The following WFIKKN2 variants were observed in gnomAD, a reference collection of about 807,000 sequenced individuals.
The protein encoded by WFIKKN2 is WAP, follistatin/kazal, immunoglobulin, kunitz and netrin domain containing 2.
Under a neutral mutation model 39.2 loss-of-function variants are expected in WFIKKN2, and 25 were observed. That is an observed-to-expected ratio of 0.64 (90% confidence interval 0.47 to 0.89). WFIKKN2 has a LOEUF of 0.89. WFIKKN2 is among the 40% of genes least tolerant of loss of function. The pLI, the probability that WFIKKN2 is intolerant of heterozygous loss-of-function variation, is 0.00. For missense variants in WFIKKN2, 770 were observed against 811.7 expected (o/e 0.95, Z 0.62); for synonymous variants, 345 against 329.7 (o/e 1.05, Z -0.50).
intron 1 of WFIKKN2, 132 bp from the exon 2 acceptor site, chr17:50,839,367 A>T: frequency 1.2e-6 from 1 of 827,118 alleles, no homozygotes. Flanking sequence ...ATTCGTTATT[A>T]TTTTCAAGTG....
chr17:50,840,178 G>A lies in WFIKKN2; in HGVS notation c.890G>A (p.Arg297Lys). ...GCCCGGAACGTGGCTGGGGTCCTGAGGGCTGATTTCCCGCTGTCGGTGGTC... is the reference window on the plus strand; with the variant it reads ...GCCCGGAACGTGGCTGGGGTCCTGAAGGCTGATTTCCCGCTGTCGGTGGTC... ...CTARNVAGVL[R>K]ADFPLSVVRG... is the part of the protein sequence containing the mutation. The change falls in exon 2 of 2, where the codon AGG (arginine) becomes AAG (lysine). Residue 297 changes from arginine to lysine, a missense_variant. Physicochemically the swap from Arg to Lys is conservative, Grantham distance 26. Transcript: ENST00000311378. 6.2e-7 allele frequency: 1 copy of A among 1,613,936 alleles called. No individual in the cohort carries two copies.
Position 50,839,908 on chromosome 17 carries a change from T to G in WFIKKN2, c.620T>G (p.Met207Arg). Residue 207 changes from methionine to arginine, a missense_variant, in exon 2 of 2, where the codon ATG becomes AGG. By Grantham distance (91) the Met-to-Arg change is moderately conservative. Coordinates refer to ENST00000311378, the MANE Select transcript of WFIKKN2 (RefSeq NM_175575.6). ...TASPETPELD[M>R]AAPALLNNPV... ...TCCCCAGAGACCCCTGAGCTGGACA[T>G]GGCGGCCCCTGCGCTGCTCAACAAC... 6.2e-7 allele frequency: 1 copy of G among 1,614,148 alleles called. No homozygotes were observed. Among genetic ancestry groups the G allele is most frequent in the Non-Finnish European group, 8.5e-7 (1 of 1,180,030 alleles).
chr17:50,838,118 G>GA (rs980461777), intron 1 of WFIKKN2, among the ~76,000 whole-genome samples: 1 of 152,132 alleles, frequency 6.6e-6, no homozygotes, highest in Non-Finnish European at 1.5e-5. Flanking sequence ...AGGCCAAGGA[G>GA]AAGGTTCTCC....
At position 50,840,521 on chromosome 17, in the gene WFIKKN2, C is replaced by T; in HGVS notation, c.1233C>T (p.Cys411=). Residue 411 remains cysteine, a synonymous_variant, in exon 2 of 2, where the codon TGC becomes TGT. Transcript: ENST00000311378. ...RWAYNSQTGQ[C]QSFVYGGCEG... ...CTTACAACAGCCAGACGGGCCAGTG[C>T]CAGTCCTTTGTCTATGGTGGCTGCG... 6.2e-7 allele frequency: 1 copy of T among 1,614,022 alleles called. No homozygotes were observed. Among genetic ancestry groups the T allele is most frequent in the South Asian group, 1.1e-5 (1 of 91,092 alleles).
Position 50,840,943 on chromosome 17 carries a change from G to T in WFIKKN2, c.1655G>T (p.Arg552Leu), listed in dbSNP as rs762331072. 1 of 1,591,372 alleles carries T rather than the reference G, an allele frequency of 6.3e-7. No individual in the cohort carries two copies. The highest frequency in any genetic ancestry group is 8.6e-7 in the Non-Finnish European group (1 of 1,165,418). Residue 552 changes from arginine (R) to leucine (L), a missense_variant, in exon 2 of 2, where the codon CGC becomes CTC. By Grantham distance (102) the Arg-to-Leu change is moderately radical (BLOSUM62 -2). Coordinates refer to ENST00000311378, the MANE Select transcript of WFIKKN2 (RefSeq NM_175575.6). ...AGCTTTGTGGGCGCATCGAGTGCCC[G>T]CCGGGTCAGGAAGCTTCGTGAGGTC... ...PDSFVGASSA[R>L]RVRKLREVMH...
rs1972042253 is a variant in WFIKKN2 at position 50,841,212 on chromosome 17, CT to C, written c.*199del. 3 of 512,000 alleles carry C rather than the reference CT, an allele frequency of 5.9e-6. No homozygotes were observed. The highest frequency in any genetic ancestry group is 6.6e-6 in the Non-Finnish European group (2 of 301,284). The allele number at this position is 512,000 out of a possible 1,614,324, so 31.7% of individuals were successfully genotyped here. A position where few individuals can be genotyped will look rare whatever the true frequency, so the allele number is the denominator to read the frequency against. ...TTTGGGTTCAATAAGGGGTTCATAT[CT>C]TTTTTAGCTGAGGGGGACAAGAGGA... is the stretch of plus-strand genomic sequence containing the variant. On this transcript the variant is annotated 3_prime_UTR_variant, in exon 2 of 2. Transcript: ENST00000311378.
Position 50,839,957 on chromosome 17 carries a change from G to C in WFIKKN2, c.669G>C (p.Met223Ile), listed in dbSNP as rs902818282. The change falls in exon 2 of 2, where the codon ATG becomes ATC. Residue 223 changes from methionine (M) to isoleucine (I), a missense_variant. Coordinates refer to ENST00000311378, the MANE Select transcript of WFIKKN2 (RefSeq NM_175575.6). ...ACCCTGTGCACCAGTCGGTCACCAT[G>C]GGTGAGACAGTGAGCTTCCTCTGTG... ...LNNPVHQSVTMGETVSFLCDV... is the reference protein window; with the variant it reads ...LNNPVHQSVTIGETVSFLCDV... 6.2e-7 allele frequency: 1 copy of C among 1,614,148 alleles called. No homozygotes were observed. Among genetic ancestry groups the C allele is most frequent in the Admixed American group, 1.7e-5 (1 of 60,026 alleles).
At position 50,840,825 on chromosome 17, in the gene WFIKKN2, T is replaced by G. The variant is rs1972034941; in HGVS notation, c.1537T>G (p.Trp513Gly). ...GGAGGTCACTCTGCTTCACGTGGAC[T>G]GGGCATGCCCCTGCCCCAACGTGAC... ...PLEVTLLHVDWACPCPNVTVS... is the reference protein window; with the variant it reads ...PLEVTLLHVDGACPCPNVTVS... The change falls in exon 2 of 2, where the codon TGG becomes GGG. Residue 513 changes from tryptophan to glycine, a missense_variant. Physicochemically the swap from Trp to Gly is radical, Grantham distance 184 (BLOSUM62 -2). Transcript: ENST00000311378. The G allele has an allele frequency of 1.2e-6, 2 of 1,613,758 alleles. No homozygotes were observed. The highest frequency in any genetic ancestry group is 3.3e-5 in the Admixed American group (2 of 60,002).
rs142981915 is a variant in WFIKKN2, at chr17:50,839,884, C to T, written c.596C>T (p.Ser199Phe). ...PETTMHPTTA[S>F]PETPELDMAA... ...ACCACCATGCACCCCACCACAGCCT[C>T]CCCAGAGACCCCTGAGCTGGACATG... is the stretch of plus-strand genomic sequence containing the variant. Residue 199 changes from serine to phenylalanine, a missense_variant, in exon 2 of 2, where the codon TCC (serine) becomes TTC (phenylalanine). Coordinates refer to ENST00000311378, the MANE Select transcript of WFIKKN2 (RefSeq NM_175575.6). 115 of 1,613,982 alleles carry T rather than the reference C, an allele frequency of 7.1e-5. No homozygotes were observed. The African/African-American group carries it at 1.4e-3, about 20-fold the overall frequency.
At position 50,840,338 on chromosome 17, in the gene WFIKKN2, C is replaced by A. The variant is rs776672576; in HGVS notation, c.1050C>A (p.Ala350=). 1 of 1,614,188 alleles carries A rather than the reference C, an allele frequency of 6.2e-7. No homozygotes were observed. Among genetic ancestry groups the A allele is most frequent in the South Asian group, 1.1e-5 (1 of 91,084 alleles). The stretch of plus-strand genomic sequence containing the variant: ...CCCGCTGGCACTTCGATGCCCAGGC[C>A]AACAACTGCCTGACCTTCACCTTCG... The part of the protein sequence containing the change: ...EQTRWHFDAQ[A]NNCLTFTFGH... The change falls in exon 2 of 2, where the codon GCC becomes GCA. Residue 350 remains alanine, a synonymous_variant. Transcript: ENST00000311378.
Position 50,840,597 on chromosome 17 carries a change from C to G in WFIKKN2, c.1309C>G (p.Pro437Ala), listed in dbSNP as rs767304923. Residue 437 changes from proline to alanine, a missense_variant, in exon 2 of 2, where the codon CCC (proline) becomes GCC (alanine). Physicochemically the swap from Pro to Ala is conservative, Grantham distance 27. Transcript: ENST00000311378. ...CCGTGAGGCCTGTGAGGAGTCGTGCCCCTTCCCCAGGGGGAACCAGCGCTG... is the reference window on the plus strand; with the variant it reads ...CCGTGAGGCCTGTGAGGAGTCGTGCGCCTTCCCCAGGGGGAACCAGCGCTG... ...ESREACEESC[P>A]FPRGNQRCRA... 1 of 1,614,050 alleles carries G rather than the reference C, an allele frequency of 6.2e-7. No homozygotes were observed. The highest frequency in any genetic ancestry group is 2.2e-5 in the East Asian group (1 of 44,878).
In WFIKKN2 at chr17:50,835,671, G is replaced by A. The variant is rs555951494; in HGVS notation, c.-267G>A. ...GCGCCCAGGATATAAATCCGGGCGC[G>A]GGCCCCTGCTGTGGCTCCTCTCCCT... is the stretch of plus-strand genomic sequence containing the variant. On this transcript the variant is annotated 5_prime_UTR_variant, in exon 1 of 2. Transcript: ENST00000311378. 33 of 471,442 alleles carry A rather than the reference G, an allele frequency of 7.0e-5. 1 individual carries two copies. Among genetic ancestry groups the A allele is most frequent in the African/African-American group, 6.4e-4 (32 of 50,240 alleles). The allele number at this position is 471,442 out of a possible 1,614,324, so 29.2% of individuals were successfully genotyped here. A position where few individuals can be genotyped will look rare whatever the true frequency, so the allele number is the denominator to read the frequency against.
At chr17:50,838,533 G>A (rs534477618) in intron 1 of WFIKKN2, among the ~76,000 whole-genome samples, 4 of 152,228 alleles carry the variant, frequency 2.6e-5, no homozygotes, top group East Asian at 3.8e-4. Context: ...ATCCTTGTTT[G>A]TGTCAGCTCC....
In WFIKKN2 at chr17:50,842,200, CCCACT is replaced by C. The variant is rs1259376993; in HGVS notation, c.*1182_*1186del. On this transcript the variant is annotated 3_prime_UTR_variant, in exon 2 of 2. Transcript: ENST00000311378. ...GCCGCTAGAGAGAGGATTGGGAAAC[CCCACT>C]GTCAGCTCTGCATCTGCCCCCACTA... The C allele has an allele frequency of 5.3e-5, 8 of 152,186 alleles. No homozygotes were observed. Among genetic ancestry groups the C allele is most frequent in the African/African-American group, 1.9e-4 (8 of 41,404 alleles). 9.4% of individuals were successfully genotyped at this position (152,186 alleles called of 1,614,324 possible).
chr17:50,836,202 G>T (rs1184465936), intron 1 of WFIKKN2, 55 bp downstream of exon 1: 1 of 1,586,344 alleles, frequency 6.3e-7, no homozygotes, highest in Non-Finnish European at 8.6e-7. Flanking sequence ...AGTGACGGGG[G>T]TGGGAGCCGT....
In WFIKKN2 at chr17:50,835,792, G is replaced by A; in HGVS notation, c.-146G>A. The stretch of plus-strand genomic sequence containing the variant: ...GTGCTGACTTGGTGGAGGCAGCAGC[G>A]GCAGAGCAGCCTGAGCAGCAGCCTG... On this transcript the variant is annotated 5_prime_UTR_variant, in exon 1 of 2. Coordinates refer to ENST00000311378, the MANE Select transcript of WFIKKN2 (RefSeq NM_175575.6). 5 of 848,122 alleles carry A rather than the reference G, an allele frequency of 5.9e-6. No homozygotes were observed. Among genetic ancestry groups the A allele is most frequent in the Admixed American group, 2.9e-5 (1 of 34,222 alleles). 52.5% of individuals were successfully genotyped at this position (848,122 alleles called of 1,614,324 possible).
chr17:50,842,274 A>G lies in WFIKKN2; in HGVS notation c.*1255A>G, dbSNP rs575069601. 1 of 152,348 alleles carries G rather than the reference A, an allele frequency of 6.6e-6. No individual in the cohort carries two copies. The highest frequency in any genetic ancestry group is 1.9e-4 in the East Asian group (1 of 5,164). 9.4% of individuals were successfully genotyped at this position (152,348 alleles called of 1,614,324 possible). On this transcript the variant is annotated 3_prime_UTR_variant, in exon 2 of 2. Transcript: ENST00000311378. Reference sequence around the variant, plus strand: ...TGTCCCTGCCCCTCCAAGCTGAAGAAGGTCCTTGTGGGGCGTCCTCATTTC... The same window carrying G: ...TGTCCCTGCCCCTCCAAGCTGAAGAGGGTCCTTGTGGGGCGTCCTCATTTC...
chr17:50,837,125 A>G (rs1971970063), intron 1 of WFIKKN2, among the ~76,000 whole-genome samples: 1 of 152,228 alleles, frequency 6.6e-6, no homozygotes, highest in African/African-American at 2.4e-5. Flanking sequence ...TCAGCAGCCC[A>G]TTCACAGGTG....
rs772083082 is a variant in WFIKKN2, at chr17:50,840,932, A to T, written c.1644A>T (p.Ala548=). The change falls in exon 2 of 2, where the codon GCA becomes GCT. Residue 548 remains alanine (A), a synonymous_variant. Transcript: ENST00000311378. ...TGCGCCCCGATAGCTTTGTGGGCGCATCGAGTGCCCGCCGGGTCAGGAAGC... is the reference window on the plus strand; with the variant it reads ...TGCGCCCCGATAGCTTTGTGGGCGCTTCGAGTGCCCGCCGGGTCAGGAAGC... ...AMLRPDSFVG[A]SSARRVRKLR... 2.8e-5 allele frequency: 45 copies of T among 1,598,426 alleles called. No homozygotes were observed. Among genetic ancestry groups the T allele is most frequent in the East Asian group, 1.6e-4 (7 of 44,488 alleles).
Sources: gnomAD v4.1 joint callset for allele counts (sites outside exome capture counted in the v4.1 genomes callset) on GRCh38, gnomAD v4.1.1 for gene constraint, MANE v1.5 for transcripts, NCBI Gene and HGNC (gene_info 2026-07-23, HGNC 2026-07-21) for gene names.